Variants in ZSWIM5 observed in about 807,000 individuals in gnomAD.
ZSWIM5 encodes zinc finger SWIM domain-containing protein 5.
A neutral mutation model predicts 119.6 loss-of-function variants in ZSWIM5; 55 were observed. The observed-to-expected ratio is 0.46, with a 90% confidence interval of 0.37 to 0.58. The LOEUF (loss-of-function observed/expected upper bound fraction) is 0.58. Among genes scored for constraint, ZSWIM5 ranks in the 20% least tolerant of loss-of-function variants. The probability of loss-of-function intolerance (pLI) is 0.00; values close to 1 mark genes in which losing one functional copy is unlikely to be tolerated. For missense variants in ZSWIM5, 1,193 were observed against 1,512.8 expected (o/e 0.79, Z 3.51); for synonymous variants, 537 against 606.9 (o/e 0.88, Z 1.69).
Position 45,016,457 on chromosome 1 carries a change from G to A in ZSWIM5, c.*1997C>T, listed in dbSNP as rs924103579. The A allele has an allele frequency of 1.3e-5, 2 of 152,182 alleles. No individual in the cohort carries two copies. The highest frequency in any genetic ancestry group is 2.9e-5 in the Non-Finnish European group (2 of 68,034). The allele number at this position is 152,182 out of a possible 1,614,324, so 9.4% of individuals were successfully genotyped here. Reference sequence around the variant, plus strand: ...TGATTTATTCATAGAAAAGCACTGTGAATTCACACACTTGCTAAAAAAGGG... The same window carrying A: ...TGATTTATTCATAGAAAAGCACTGTAAATTCACACACTTGCTAAAAAAGGG... On this transcript the variant is annotated 3_prime_UTR_variant, in exon 14 of 14. Coordinates refer to ENST00000359600, the MANE Select transcript of ZSWIM5 (RefSeq NM_020883.2).
chr1:45,075,769 T>A (rs1645252993), intron 2 of ZSWIM5, among the ~76,000 whole-genome samples: 1 of 152,148 alleles, frequency 6.6e-6, no homozygotes, highest in South Asian at 2.1e-4. Flanking sequence ...TTCTGGTTGT[T>A]CTGTGGTCTT....
chr1:45,168,950 C>A (rs1178013646), intron 1 of ZSWIM5, among the ~76,000 whole-genome samples: 1 of 152,052 alleles, frequency 6.6e-6, no homozygotes, highest in Non-Finnish European at 1.5e-5. Context: ...ATCTTACCTG[C>A]CTGGTTCCCC....
chr1:45,060,189 A>T lies in ZSWIM5; in HGVS notation c.1011T>A (p.Asp337Glu). The change falls in exon 3 of 14, where the codon GAT becomes GAA. Residue 337 changes from aspartate to glutamate, a missense_variant. Transcript: ENST00000359600. ...SIDDENCWHL[D>E]EEQVKEQVKL... ...TCACTTGTTCTTTCACCTGTTCTTCATCCAAATGCCAACAGTTCTCATCGT... is the reference window on the plus strand; with the variant it reads ...TCACTTGTTCTTTCACCTGTTCTTCTTCCAAATGCCAACAGTTCTCATCGT... The T allele has an allele frequency of 5.0e-6, 8 of 1,614,154 alleles. No homozygotes were observed. Among genetic ancestry groups the T allele is most frequent in the Non-Finnish European group, 6.8e-6 (8 of 1,180,020 alleles).
At chr1:45,035,613 G>T in intron 10 of ZSWIM5, 75 bp downstream of exon 10, 1 of 1,554,828 alleles carries the variant, frequency 6.4e-7, no homozygotes, top group South Asian at 1.2e-5. Context: ...AAAAGAAAGT[G>T]AAATAAGCAA....
chr1:45,093,892 G>A (rs1405785144), intron 1 of ZSWIM5, among the ~76,000 whole-genome samples: 1 of 147,036 alleles, frequency 6.8e-6, no homozygotes, highest in Admixed American at 6.8e-5. Context: ...TACCCAGGCT[G>A]GAGTGCAGTG....
intron 2 of ZSWIM5, among the ~76,000 whole-genome samples, chr1:45,063,133 T>A (rs973030905): frequency 6.6e-6 from 1 of 152,182 alleles, no homozygotes; most frequent in Admixed American, 6.5e-5. Flanking sequence ...TGCATCCACA[T>A]TGCTGCAGAG....
intron 1 of ZSWIM5, among the ~76,000 whole-genome samples, chr1:45,171,257 C>T (rs1352775318): frequency 1.3e-5 from 2 of 152,144 alleles, no homozygotes; most frequent in African/African-American, 4.8e-5. Context: ...TAAAATCAAG[C>T]TTATTTCAAA....
intron 1 of ZSWIM5, among the ~76,000 whole-genome samples, chr1:45,180,658 G>A (rs1348066229): frequency 9.2e-5 from 14 of 152,142 alleles, no homozygotes; most frequent in Admixed American, 6.5e-4. Context: ...CCTGACCCCC[G>A]AGCAGCCTAA....
rs75313330 is a variant in ZSWIM5, at chr1:45,042,424, G to C, written c.1609+795C>G. Among the ~76,000 whole-genome samples, 1,008 of 152,256 alleles carry C rather than the reference G, an allele frequency of 6.6e-3. 14 individuals carry two copies. Among genetic ancestry groups the C allele is most frequent in the African/African-American group, 0.024 (981 of 41,516 alleles). ...TACGTTTCAGAAGTGCTGGATCACAGGAGAAGAAAGATGATCAGAGGAAAC... is the reference window on the plus strand; with the variant it reads ...TACGTTTCAGAAGTGCTGGATCACACGAGAAGAAAGATGATCAGAGGAAAC... On this transcript the variant is annotated intron_variant, in intron 6 of 13. Transcript: ENST00000359600.
At chr1:45,042,446 A>G (rs1645022566) in intron 6 of ZSWIM5, among the ~76,000 whole-genome samples, 1 of 152,156 alleles carries the variant, frequency 6.6e-6, no homozygotes, top group African/African-American at 2.4e-5. Context: ...TGATCAGAGG[A>G]AACTTCAGGT....
At chr1:45,087,491 A>G (rs989083065) in intron 2 of ZSWIM5, among the ~76,000 whole-genome samples, 2 of 152,226 alleles carry the variant, frequency 1.3e-5, no homozygotes, top group East Asian at 3.8e-4. Flanking sequence ...TAGGGTCCTG[A>G]AATATCAAGG....
chr1:45,054,848 T>C (rs1466340022), intron 4 of ZSWIM5, among the ~76,000 whole-genome samples: 5 of 152,106 alleles, frequency 3.3e-5, no homozygotes, highest in Non-Finnish European at 7.4e-5. Flanking sequence ...TGAGCAATGA[T>C]GGAGTCTCGC....
chr1:45,176,500 G>A lies in ZSWIM5; in HGVS notation c.595+29256C>T, dbSNP rs537323362. On this transcript the variant is annotated intron_variant, in intron 1 of 13. Transcript: ENST00000359600. ...GGCTGGTCTTGAACTCATGACCTCAGGTGATCCACCCGCCTTGGCCTCCCA... is the reference window on the plus strand; with the variant it reads ...GGCTGGTCTTGAACTCATGACCTCAAGTGATCCACCCGCCTTGGCCTCCCA... Among the ~76,000 whole-genome samples the A allele has an allele frequency of 2.2e-3, 330 of 152,124 alleles. 2 individuals are homozygous for A. The highest frequency in any genetic ancestry group is 7.5e-3 in the African/African-American group (312 of 41,528).
At chr1:45,174,631 T>G (rs1645968082) in intron 1 of ZSWIM5, among the ~76,000 whole-genome samples, 1 of 150,730 alleles carries the variant, frequency 6.6e-6, no homozygotes, top group Non-Finnish European at 1.5e-5. Context: ...ACTCTCCTAC[T>G]CGGGGAGCTG....
At chr1:45,132,632 C>T (rs1645664901) in intron 1 of ZSWIM5, among the ~76,000 whole-genome samples, 1 of 151,544 alleles carries the variant, frequency 6.6e-6, no homozygotes, top group Non-Finnish European at 1.5e-5. Flanking sequence ...TTTTATTATA[C>T]TTTAAGTTCT....
At chr1:45,080,689 T>C (rs972725118) in intron 2 of ZSWIM5, among the ~76,000 whole-genome samples, 1 of 152,138 alleles carries the variant, frequency 6.6e-6, no homozygotes, top group Non-Finnish European at 1.5e-5. Context: ...TAGGGAACAA[T>C]TGGTGTAGCC....
At chr1:45,128,619 ATATT>A (rs1399210359) in intron 1 of ZSWIM5, among the ~76,000 whole-genome samples, 2 of 152,196 alleles carry the variant, frequency 1.3e-5, no homozygotes, top group Non-Finnish European at 2.9e-5. Context: ...GTGCCAGCTA[ATATT>A]TATTTGTTTT....
At chr1:45,154,954 G>T (rs532180211) in intron 1 of ZSWIM5, among the ~76,000 whole-genome samples, 1 of 152,146 alleles carries the variant, frequency 6.6e-6, no homozygotes, top group Admixed American at 6.6e-5. Flanking sequence ...AATTCTAGAA[G>T]ACAACATTGG....
rs200419192 is a variant in ZSWIM5, at chr1:45,168,482, AAT to A, written c.595+37272_595+37273del. Among the ~76,000 whole-genome samples, 1,029 of 150,358 alleles carry A rather than the reference AAT, an allele frequency of 6.8e-3. 11 individuals carry two copies. The highest frequency in any genetic ancestry group is 0.024 in the African/African-American group (992 of 40,690). On this transcript the variant is annotated intron_variant, in intron 1 of 13. Transcript: ENST00000359600. ...GTACCCTAGAACTTAAAGTATAATAAATATATATATATTTTTTTTAAAAAATA... is the reference window on the plus strand; with the variant it reads ...GTACCCTAGAACTTAAAGTATAATAAATATATATATTTTTTTTAAAAAATA...
Sources: allele counts gnomAD v4.1 joint callset (sites outside exome capture counted in the v4.1 genomes callset), GRCh38; gene constraint gnomAD v4.1.1; transcripts MANE v1.5; gene names NCBI Gene and HGNC (gene_info 2026-07-23, HGNC 2026-07-21).